COL5A2: variants seen among roughly 807,000 people sequenced by gnomAD.
COL5A2 encodes the protein collagen alpha-2(V) chain.
A neutral mutation model predicts 208.2 loss-of-function variants in COL5A2; 23 were observed. That is an observed-to-expected ratio of 0.11 (90% CI 0.08 to 0.16). COL5A2 has a LOEUF of 0.16. COL5A2 is among the 10% of genes least tolerant of loss of function. The pLI, the probability that COL5A2 is intolerant of heterozygous loss-of-function variation, is 1.00. For synonymous variants in COL5A2, 625 were observed against 628.5 expected (o/e 0.99, Z 0.08); for missense variants, 1,590 against 1,956.4 (o/e 0.81, Z 3.53).
chr2:189,219,878 C>T (rs923418257), intron 1 of COL5A2, among the ~76,000 whole-genome samples: 6 of 151,972 alleles, frequency 3.9e-5, no homozygotes, highest in Non-Finnish European at 7.4e-5. Context: ...AGAGTGCCCC[C>T]CCCCCACTCT....
At chr2:189,131,979 T>C (rs1302948776) in intron 1 of COL5A2, among the ~76,000 whole-genome samples, 1 of 152,218 alleles carries the variant, frequency 6.6e-6, no homozygotes, top group African/African-American at 2.4e-5. Flanking sequence ...TACTGAACTT[T>C]GGGTTAATTC....
chr2:189,422,931 G>A, the COL5A2 span, among the ~76,000 whole-genome samples: 15 of 151,896 alleles, frequency 9.9e-5, no homozygotes, highest in African/African-American at 3.6e-4. Context: ...GCTGAGGCAG[G>A]AGAATTGCTT....
the COL5A2 span, among the ~76,000 whole-genome samples, chr2:189,251,442 A>G: frequency 8.1e-4 from 123 of 152,284 alleles, 1 homozygote; most frequent in African/African-American, 2.9e-3. Context: ...TCTTTCTGCC[A>G]TCTGACTCTG....
intron 52 of COL5A2, among the ~76,000 whole-genome samples, chr2:189,036,049 GAC>G (rs1685437626): frequency 6.6e-6 from 1 of 151,976 alleles, no homozygotes; most frequent in African/African-American, 2.4e-5. Flanking sequence ...CAATTATTTA[GAC>G]ATTATTATAG....
chr2:189,078,750 T>C (rs1002672927), intron 15 of COL5A2, among the ~76,000 whole-genome samples, 181 bp from the exon 16 acceptor site: 3 of 152,166 alleles, frequency 2.0e-5, no homozygotes, highest in Non-Finnish European at 4.4e-5. Context: ...CTATCACCTC[T>C]TACATAAATA....
the COL5A2 span, among the ~76,000 whole-genome samples, chr2:189,322,790 C>T: frequency 6.6e-6 from 1 of 152,134 alleles, no homozygotes; most frequent in African/African-American, 2.4e-5. Context: ...CTACTCCAAT[C>T]AATAGAAAAA....
chr2:189,434,753 A>G, the COL5A2 span, among the ~76,000 whole-genome samples: 1 of 152,220 alleles, frequency 6.6e-6, no homozygotes. Context: ...CATACTGCCC[A>G]AGGTAATTTA....
the COL5A2 span, among the ~76,000 whole-genome samples, chr2:189,320,981 T>C: frequency 6.6e-6 from 1 of 152,248 alleles, no homozygotes; most frequent in Non-Finnish European, 1.5e-5. Context: ...GCAGAAACTC[T>C]ACAAGCCAGA....
intron 35 of COL5A2, among the ~76,000 whole-genome samples, chr2:189,056,376 CTGAT>C (rs920748926): frequency 6.6e-6 from 1 of 152,210 alleles, no homozygotes; most frequent in Non-Finnish European, 1.5e-5. Flanking sequence ...TCCTTCGAGT[CTGAT>C]TGTCCTTGGA....
At chr2:189,436,811 A>C in the COL5A2 span, among the ~76,000 whole-genome samples, 1 of 152,096 alleles carries the variant, frequency 6.6e-6, no homozygotes, top group Non-Finnish European at 1.5e-5. Context: ...GAGAATACAT[A>C]AACTCATAGA....
chr2:189,052,191 A>T lies in COL5A2; in HGVS notation c.2750T>A (p.Val917Asp). Residue 917 changes from valine (V) to aspartate (D), a missense_variant, in exon 41 of 54, where the codon GTT becomes GAT. Coordinates refer to ENST00000374866, the MANE Select transcript of COL5A2 (RefSeq NM_000393.5). The stretch of plus-strand genomic sequence containing the variant: ...ACTTACAGCAGGGCCTGGAGGTCCA[A>T]CTCTGCCCGCAGAACCAGGAAATCC... The part of the protein sequence containing the change: ...ATGFPGSAGR[V>D]GPPGPAGAPG... 1 of 1,613,902 alleles carries T rather than the reference A, an allele frequency of 6.2e-7. No individual in the cohort carries two copies. The highest frequency in any genetic ancestry group is 8.5e-7 in the Non-Finnish European group (1 of 1,179,850).
intron 1 of COL5A2, among the ~76,000 whole-genome samples, chr2:189,157,162 CATATATATATCT>C (rs1486427024): frequency 7.1e-6 from 1 of 140,776 alleles, no homozygotes; most frequent in Non-Finnish European, 1.5e-5. Context: ...ATGTGCTAAG[CATATATATATCT>C]ATATATATAG....
At chr2:189,137,217 G>A (rs1687842949) in intron 1 of COL5A2, among the ~76,000 whole-genome samples, 1 of 152,040 alleles carries the variant, frequency 6.6e-6, no homozygotes, top group Admixed American at 6.5e-5. Context: ...AATTATCATT[G>A]GTCTTTTATA....
At chr2:189,197,271 G>A (rs538007759) in intron 1 of COL5A2, among the ~76,000 whole-genome samples, 3 of 151,838 alleles carry the variant, frequency 2.0e-5, no homozygotes, top group Admixed American at 6.6e-5. Flanking sequence ...AACACACACC[G>A]GGGCCAGCCA....
At chr2:189,228,732 C>T (rs529528652), upstream of COL5A2, among the ~76,000 whole-genome samples, 67 of 151,928 alleles carry the variant, frequency 4.4e-4, 1 homozygote, top group African/African-American at 1.5e-3. Flanking sequence ...ACCTACCAAA[C>T]ATTTAAATAA....
chr2:189,126,733 T>G (rs1687614106), intron 1 of COL5A2, among the ~76,000 whole-genome samples: 1 of 152,074 alleles, frequency 6.6e-6, no homozygotes, highest in Non-Finnish European at 1.5e-5. Flanking sequence ...CAGTCCAGTG[T>G]GCCATGTAGG....
intron 49 of COL5A2, among the ~76,000 whole-genome samples, chr2:189,042,475 G>C (rs1685581242): frequency 6.6e-6 from 1 of 152,134 alleles, no homozygotes; most frequent in South Asian, 2.1e-4. Flanking sequence ...TGAACTAACA[G>C]AGGAATATAT....
At chr2:189,438,448 C>T in the COL5A2 span, among the ~76,000 whole-genome samples, 2 of 152,114 alleles carry the variant, frequency 1.3e-5, no homozygotes, top group South Asian at 4.1e-4. Flanking sequence ...ATTTCTAAAA[C>T]CTGGGGGTAA....
intron 1 of COL5A2, among the ~76,000 whole-genome samples, chr2:189,223,873 A>T (rs1380193776): frequency 6.6e-6 from 1 of 152,174 alleles, no homozygotes; most frequent in African/African-American, 2.4e-5. Flanking sequence ...CCTAGCTATA[A>T]GGGTCTGTTC....
Sources: gnomAD v4.1 joint callset for allele counts (sites outside exome capture counted in the v4.1 genomes callset) on GRCh38, gnomAD v4.1.1 for gene constraint, MANE v1.5 for transcripts, NCBI Gene and HGNC (gene_info 2026-07-23, HGNC 2026-07-21) for gene names.